Variants in HTR1F observed in about 807,000 individuals in gnomAD.
The protein encoded by HTR1F is 5-hydroxytryptamine (serotonin) receptor 1F, G protein-coupled.
A neutral mutation model predicts 24.0 loss-of-function variants in HTR1F; 17 were observed. The observed-to-expected ratio is 0.71, with a 90% CI of 0.48 to 1.06. The LOEUF (loss-of-function observed/expected upper bound fraction) is 1.06, where lower values mean the gene tolerates loss of function less well. HTR1F is among the 50% of genes least tolerant of loss of function. The pLI is 0.00. For synonymous variants in HTR1F, 186 were observed against 156.8 expected, an observed-to-expected ratio of 1.19 and a Z score of -1.39; for missense variants, 391 against 427.8, an observed-to-expected ratio of 0.91 and a Z score of 0.76.
intron 2 of HTR1F, among the ~76,000 whole-genome samples, chr3:87,913,067 C>T (rs1703816441): frequency 6.6e-6 from 1 of 152,060 alleles, no homozygotes; most frequent in Non-Finnish European, 1.5e-5. Context: ...ACAACTGCAA[C>T]AAAAGCAAAA....
chr3:87,867,739 T>C (rs1300270536), intron 2 of HTR1F, among the ~76,000 whole-genome samples: 1 of 152,118 alleles, frequency 6.6e-6, no homozygotes, highest in Non-Finnish European at 1.5e-5. Flanking sequence ...TTACTAAAAG[T>C]GTTCTAATTT....
At chr3:87,943,281 G>T (rs1192776939) in intron 2 of HTR1F, among the ~76,000 whole-genome samples, 1 of 152,138 alleles carries the variant, frequency 6.6e-6, no homozygotes, top group African/African-American at 2.4e-5. Flanking sequence ...TCTCATTTGG[G>T]GTTAGTGTCT....
At chr3:87,951,231 G>A (rs923801135) in intron 2 of HTR1F, among the ~76,000 whole-genome samples, 14 of 152,064 alleles carry the variant, frequency 9.2e-5, no homozygotes, top group Non-Finnish European at 1.6e-4. Flanking sequence ...AAGATGTCAA[G>A]CATAATGTCT....
At chr3:87,944,930 G>A (rs1704658232) in intron 2 of HTR1F, among the ~76,000 whole-genome samples, 2 of 152,190 alleles carry the variant, frequency 1.3e-5, no homozygotes, top group Non-Finnish European at 2.9e-5. Context: ...GGTAGTATTG[G>A]AGTGTTACAG....
intron 2 of HTR1F, among the ~76,000 whole-genome samples, chr3:87,968,838 T>G (rs573888033): frequency 2.7e-4 from 41 of 152,310 alleles, no homozygotes; most frequent in Non-Finnish European, 4.7e-4. Flanking sequence ...CCCAGAGGCC[T>G]AGAAGGCAAA....
At chr3:87,798,546 C>T (rs148614013) in intron 1 of HTR1F, among the ~76,000 whole-genome samples, 22 of 152,072 alleles carry the variant, frequency 1.4e-4, no homozygotes, top group African/African-American at 3.4e-4. Context: ...CCCCTCCACC[C>T]GCCGTAGCTA....
At chr3:87,837,407 A>G (rs1232305606) in intron 2 of HTR1F, among the ~76,000 whole-genome samples, 1 of 152,164 alleles carries the variant, frequency 6.6e-6, no homozygotes, top group Non-Finnish European at 1.5e-5. Flanking sequence ...CTCTTTTCTT[A>G]CAGTTCCAGC....
At chr3:87,842,924 G>A (rs967606599) in intron 2 of HTR1F, among the ~76,000 whole-genome samples, 1 of 151,720 alleles carries the variant, frequency 6.6e-6, no homozygotes, top group African/African-American at 2.4e-5. Context: ...TTCAACTACA[G>A]GTTTGAAAGG....
intron 2 of HTR1F, among the ~76,000 whole-genome samples, chr3:87,842,232 G>A (rs1704823922): frequency 6.6e-6 from 1 of 151,700 alleles, no homozygotes; most frequent in South Asian, 2.1e-4. Flanking sequence ...CTTGATCTCA[G>A]CTCACTGCAT....
chr3:87,808,889 T>G (rs1431604382), intron 1 of HTR1F, among the ~76,000 whole-genome samples: 3 of 151,894 alleles, frequency 2.0e-5, no homozygotes, highest in African/African-American at 7.2e-5. Flanking sequence ...AGGAGCATGT[T>G]GTTTAATTTG....
intron 2 of HTR1F, among the ~76,000 whole-genome samples, chr3:87,956,728 A>T (rs952432584): frequency 2.6e-5 from 4 of 151,350 alleles, no homozygotes; most frequent in African/African-American, 9.7e-5. Context: ...CAAGTACTTT[A>T]TGATTTTAGT....
At chr3:87,963,174 T>G (rs55780392) in intron 2 of HTR1F, among the ~76,000 whole-genome samples, 13,637 of 152,188 alleles carry the variant, frequency 0.09, 792 homozygotes, top group Middle Eastern at 0.15. Flanking sequence ...TGTCAGTTAT[T>G]GGACTTCTTC....
rs184746498 is a variant in HTR1F at position 87,935,933 on chromosome 3, C to T, written c.-42-54775C>T. 1.1e-3 allele frequency among the ~76,000 whole-genome samples: 169 copies of T among 152,222 alleles called. 2 individuals are homozygous for T. The highest frequency in any genetic ancestry group is 3.9e-3 in the African/African-American group (164 of 41,526). ...TGGCATGATCTCGGCTCACTGCAAC[C>T]TCCACCTTCTGGGTTCAAGCGATCC... is the stretch of plus-strand genomic sequence containing the variant. On this transcript the variant is annotated intron_variant, in intron 2 of 2. Coordinates refer to ENST00000319595, the MANE Select transcript of HTR1F (RefSeq NM_001322209.2).
At chr3:87,873,095 TACACACACACACACAC>T (rs61407734) in intron 2 of HTR1F, among the ~76,000 whole-genome samples, 1 of 135,024 alleles carries the variant, frequency 7.4e-6, no homozygotes, top group African/African-American at 2.6e-5. Flanking sequence ...CATGCATACA[TACACACACACACACAC>T]ACACACACAC....
At position 87,886,693 on chromosome 3, in the gene HTR1F, A is replaced by G. The variant is rs185162078; in HGVS notation, c.-43+64569A>G. On this transcript the variant is annotated intron_variant, in intron 2 of 2. Transcript: ENST00000319595. ...AAATCACAAGCATTCGTCTACACCA[A>G]TAAAAGACAGCCAAATCATGACTGA... Among the ~76,000 whole-genome samples, 27 of 151,810 alleles carry G rather than the reference A, an allele frequency of 1.8e-4. 1 individual carries two copies. The East Asian group carries it at 4.9e-3, about 27-fold the overall frequency.
intron 2 of HTR1F, among the ~76,000 whole-genome samples, chr3:87,883,434 C>T (rs536705474): frequency 6.6e-6 from 1 of 152,232 alleles, no homozygotes; most frequent in Non-Finnish European, 1.5e-5. Context: ...GATTACAGCT[C>T]CTTGCCAGCA....
chr3:87,948,605 C>T (rs759485697), intron 2 of HTR1F, among the ~76,000 whole-genome samples: 6 of 151,958 alleles, frequency 3.9e-5, no homozygotes, highest in Non-Finnish European at 5.9e-5. Context: ...CCTCATCAGT[C>T]TCCCAAGTAG....
At chr3:87,890,049 T>C (rs1448639134) in intron 2 of HTR1F, among the ~76,000 whole-genome samples, 2 of 152,216 alleles carry the variant, frequency 1.3e-5, no homozygotes, top group African/African-American at 2.4e-5. Flanking sequence ...GTTGTGTACT[T>C]GTGTACCCAG....
At chr3:87,951,376 A>G (rs1478483586) in intron 2 of HTR1F, among the ~76,000 whole-genome samples, 1 of 152,192 alleles carries the variant, frequency 6.6e-6, no homozygotes. Context: ...GGTCAATACC[A>G]TTACCCTTCT....
Sources: allele counts gnomAD v4.1 joint callset (sites outside exome capture counted in the v4.1 genomes callset), GRCh38; gene constraint gnomAD v4.1.1; transcripts MANE v1.5; gene names NCBI Gene and HGNC (gene_info 2026-07-23, HGNC 2026-07-21).